Variants in SCGN observed in about 807,000 individuals in gnomAD.
SCGN encodes secretagogin.
In SCGN, 30 loss-of-function variants were observed where a neutral mutation model predicts 39.7. The observed-to-expected ratio is 0.76, with a 90% CI of 0.57 to 1.03. The LOEUF is 1.03. Among genes scored for constraint, SCGN ranks in the 50% least tolerant of loss-of-function variants. SCGN has a pLI of 0.00. For synonymous variants in SCGN, 106 were observed against 114.1 expected (o/e 0.93, Z 0.45); for missense variants, 353 against 349.4 (o/e 1.01, Z -0.08).
chr6:25,679,655 G>T (rs1238099832), intron 6 of SCGN, among the ~76,000 whole-genome samples: 1 of 152,162 alleles, frequency 6.6e-6, no homozygotes, highest in Non-Finnish European at 1.5e-5. Flanking sequence ...AAAATAGATA[G>T]AAATGAACTA....
In SCGN at chr6:25,667,557, C is replaced by T. The variant is rs527354537; in HGVS notation, c.337-1954C>T. 5.3e-5 allele frequency among the ~76,000 whole-genome samples: 8 copies of T among 152,204 alleles called. No individual in the cohort carries two copies. The East Asian group carries it at 1.4e-3, about 26-fold the overall frequency. Reference sequence around the variant, plus strand: ...TTAGTTCTATCTTGTTTTCTTTAACCCCACAAATTTTATGCAGTCAAGATT... The same window carrying T: ...TTAGTTCTATCTTGTTTTCTTTAACTCCACAAATTTTATGCAGTCAAGATT... On this transcript the variant is annotated intron_variant, in intron 4 of 10. Transcript: ENST00000377961.
At chr6:25,658,650 A>G (rs1760278604) in intron 2 of SCGN, among the ~76,000 whole-genome samples, 1 of 152,140 alleles carries the variant, frequency 6.6e-6, no homozygotes, top group South Asian at 2.1e-4. Flanking sequence ...TAATTTTTTC[A>G]CAAAGAGACT....
chr6:25,665,116 C>T (rs1561762152), intron 4 of SCGN, 84 bp downstream of exon 4: 1 of 1,021,908 alleles, frequency 9.8e-7, no homozygotes, highest in Admixed American at 1.8e-5. Context: ...TGCCACCACT[C>T]CTGCCCAGTG....
intron 6 of SCGN, among the ~76,000 whole-genome samples, chr6:25,677,510 A>C (rs1759579407): frequency 6.6e-6 from 1 of 152,186 alleles, no homozygotes; most frequent in African/African-American, 2.4e-5. Context: ...CCAGGCAGGA[A>C]TGAGGATCTC....
At chr6:25,679,382 A>G (rs538499377) in intron 6 of SCGN, among the ~76,000 whole-genome samples, 2 of 152,328 alleles carry the variant, frequency 1.3e-5, no homozygotes, top group Non-Finnish European at 2.9e-5. Context: ...ATTTGGTTTC[A>G]GAAATTCTGG....
intron 4 of SCGN, among the ~76,000 whole-genome samples, chr6:25,667,857 T>C (rs984486022): frequency 6.6e-6 from 1 of 152,202 alleles, no homozygotes; most frequent in African/African-American, 2.4e-5. Context: ...CACAATAATT[T>C]AAATGGAAAT....
chr6:25,671,225 A>G (rs982324267), intron 6 of SCGN, among the ~76,000 whole-genome samples: 12 of 152,230 alleles, frequency 7.9e-5, no homozygotes, highest in African/African-American at 1.2e-4. Context: ...AATTTTATGT[A>G]TCTGATGACT....
chr6:25,685,157 G>A (rs924646742), intron 7 of SCGN, among the ~76,000 whole-genome samples: 1 of 152,098 alleles, frequency 6.6e-6, no homozygotes, highest in Non-Finnish European at 1.5e-5. Context: ...GAATGAGGCC[G>A]TGTCGACAGC....
At position 25,669,560 on chromosome 6, in the gene SCGN, A is replaced by G. The variant is rs1582577192; in HGVS notation, c.386A>G (p.Glu129Gly). The change falls in exon 5 of 11, where the codon GAG (glutamate) becomes GGG (glycine). Residue 129 changes from glutamate (E) to glycine (G), a missense_variant. Glu to Gly is a moderately conservative substitution (Grantham distance 98). Transcript: ENST00000377961. ...ADSSGFISAA[E>G]LRNFLRDLFL... ...AGCAGTGGCTTTATATCAGCTGCTGAGCTCCGCGTGAGTGTCACTGGGTGA... is the reference window on the plus strand; with the variant it reads ...AGCAGTGGCTTTATATCAGCTGCTGGGCTCCGCGTGAGTGTCACTGGGTGA... The G allele has an allele frequency of 1.9e-6, 3 of 1,612,978 alleles. No homozygotes were observed. Among genetic ancestry groups the G allele is most frequent in the East Asian group, 4.5e-5 (2 of 44,868 alleles).
intron 6 of SCGN, among the ~76,000 whole-genome samples, chr6:25,680,410 A>G (rs1361059384): frequency 6.6e-6 from 1 of 152,180 alleles, no homozygotes; most frequent in Non-Finnish European, 1.5e-5. Context: ...AAATTAGGCA[A>G]ATGATTTTTT....
intron 2 of SCGN, among the ~76,000 whole-genome samples, chr6:25,658,286 AC>A (rs968600666): frequency 1.5e-4 from 22 of 150,428 alleles, no homozygotes; most frequent in African/African-American, 5.4e-4. Context: ...TGATCCACCC[AC>A]CTGAGCCTCC....
intron 10 of SCGN, 139 bp from the exon 11 acceptor site, chr6:25,701,068 G>A (rs963856925): frequency 3.5e-5 from 30 of 852,280 alleles, no homozygotes; most frequent in African/African-American, 2.3e-4. Flanking sequence ...GGGATGAGGC[G>A]ATAGACTCAT....
chr6:25,658,632 T>C (rs1274579331), intron 2 of SCGN, among the ~76,000 whole-genome samples: 1 of 152,230 alleles, frequency 6.6e-6, no homozygotes, highest in Non-Finnish European at 1.5e-5. Flanking sequence ...TTCTTGTTCA[T>C]ATAACTTTAA....
Position 25,661,617 on chromosome 6 carries a change from T to C in SCGN, c.219T>C (p.Ser73=), listed in dbSNP as rs1232352699. The C allele has an allele frequency of 1.7e-5, 27 of 1,613,344 alleles. No individual in the cohort carries two copies. Among genetic ancestry groups the C allele is most frequent in the Non-Finnish European group, 2.2e-5 (26 of 1,179,476 alleles). ...AGTTTATGACTACCCAAGATGCCTC[T>C]AAAGATGGTCGCATTCGGATGAAAG... The part of the protein sequence containing the change: ...KQQFMTTQDA[S]KDGRIRMKEL... Residue 73 remains serine, a synonymous_variant, in exon 3 of 11, where the codon TCT becomes TCC. Transcript: ENST00000377961.
At chr6:25,665,835 GA>G (rs1390368256) in intron 4 of SCGN, among the ~76,000 whole-genome samples, 1 of 139,016 alleles carries the variant, frequency 7.2e-6, no homozygotes, top group African/African-American at 2.7e-5. Context: ...TTAAGAAAAT[GA>G]TTTTTTTTTA....
chr6:25,674,624 T>C (rs1344584585), intron 6 of SCGN, among the ~76,000 whole-genome samples: 1 of 152,360 alleles, frequency 6.6e-6, no homozygotes, highest in East Asian at 1.9e-4. Flanking sequence ...ACTTAAGAGA[T>C]GTAACTTATT....
chr6:25,653,236 T>C, intron 1 of SCGN, 146 bp from the exon 2 acceptor site: 2 of 607,034 alleles, frequency 3.3e-6, no homozygotes, highest in Non-Finnish European at 2.9e-6. Flanking sequence ...ATTCTAGAGG[T>C]AGGTGTTGGC....
At chr6:25,654,452 A>G (rs1478918292) in intron 2 of SCGN, among the ~76,000 whole-genome samples, 1 of 151,482 alleles carries the variant, frequency 6.6e-6, no homozygotes, top group Non-Finnish European at 1.5e-5. Flanking sequence ...TTTTATGTCT[A>G]TCTCTGTCAT....
At chr6:25,672,552 T>C (rs904038671) in intron 6 of SCGN, among the ~76,000 whole-genome samples, 6 of 152,100 alleles carry the variant, frequency 3.9e-5, no homozygotes, top group Non-Finnish European at 8.8e-5. Context: ...AGGCCCCTAG[T>C]GCAAGAGCGC....
Sources: gnomAD v4.1 joint callset for allele counts (sites outside exome capture counted in the v4.1 genomes callset) on GRCh38, gnomAD v4.1.1 for gene constraint, MANE v1.5 for transcripts, NCBI Gene and HGNC (gene_info 2026-07-23, HGNC 2026-07-21) for gene names.